Variants in RYR3 observed in about 807,000 individuals in gnomAD.
The protein encoded by RYR3 is brain ryanodine receptor-calcium release channel.
Under a neutral mutation model 584.3 loss-of-function variants are expected in RYR3, and 207 were observed. That is an observed-to-expected ratio of 0.35 (90% confidence interval 0.32 to 0.40). The LOEUF (loss-of-function observed/expected upper bound fraction) is 0.40, where lower values mean the gene tolerates loss of function less well. Ranked by LOEUF, RYR3 falls within the 10% of genes least tolerant of loss-of-function variation. The pLI, the probability that RYR3 is intolerant of heterozygous loss-of-function variation, is 1.00. For synonymous variants in RYR3, 2,416 were observed against 2,248.5 expected, an observed-to-expected ratio of 1.07 and a Z score of -2.11; for missense variants, 5,616 against 6,089.2, an observed-to-expected ratio of 0.92 and a Z score of 2.59.
chr15:33,842,135 C>G, intron 91 of RYR3, 100 bp downstream of exon 91: 1 of 1,249,610 alleles, frequency 8.0e-7, no homozygotes, highest in Non-Finnish European at 1.1e-6. Context: ...GTCAGTTACA[C>G]TTCCTCCCCT....
intron 3 of RYR3, among the ~76,000 whole-genome samples, chr15:33,511,715 A>G (rs915625127): frequency 2.6e-5 from 4 of 152,176 alleles, no homozygotes; most frequent in Non-Finnish European, 4.4e-5. Context: ...CTGCTCTCCA[A>G]TTAGAATGAC....
chr15:33,531,554 A>G (rs923649324), intron 4 of RYR3, among the ~76,000 whole-genome samples: 6 of 152,066 alleles, frequency 3.9e-5, no homozygotes, highest in African/African-American at 1.4e-4. Flanking sequence ...AGCATGATGC[A>G]AAGTTCATCT....
chr15:33,319,433 A>C (rs542565343), intron 1 of RYR3, among the ~76,000 whole-genome samples: 100 of 152,318 alleles, frequency 6.6e-4, no homozygotes, highest in Admixed American at 2.0e-3. Flanking sequence ...GTTCCAATTT[A>C]GGACAGTGGT....
chr15:33,677,327 G>A (rs1040666478), intron 38 of RYR3, among the ~76,000 whole-genome samples: 4 of 152,080 alleles, frequency 2.6e-5, no homozygotes, highest in Non-Finnish European at 4.4e-5. Context: ...AAAGCAATTC[G>A]ATGACTTTCC....
At chr15:33,547,941 T>C (rs763762729) in intron 8 of RYR3, among the ~76,000 whole-genome samples, 189 bp from the exon 9 acceptor site, 7 of 152,344 alleles carry the variant, frequency 4.6e-5, no homozygotes, top group South Asian at 2.1e-4. Context: ...CCCCTCTAGC[T>C]GCTTTGACCC....
At chr15:33,695,479 T>C (rs1039122267) in intron 38 of RYR3, among the ~76,000 whole-genome samples, 8 of 152,162 alleles carry the variant, frequency 5.3e-5, no homozygotes, top group Admixed American at 4.6e-4. Flanking sequence ...TCAAAGTCAC[T>C]GTGGTTTTTT....
intron 75 of RYR3, among the ~76,000 whole-genome samples, chr15:33,817,536 T>C (rs925580758): frequency 6.6e-6 from 1 of 152,166 alleles, no homozygotes; most frequent in Non-Finnish European, 1.5e-5. Context: ...TGGTTCTTTT[T>C]CTCCTTCTCC....
At chr15:33,533,490 C>A (rs2055053691) in intron 5 of RYR3, 101 bp downstream of exon 5, 1 of 734,826 alleles carries the variant, frequency 1.4e-6, no homozygotes, top group Admixed American at 2.3e-5. Flanking sequence ...GATTCCAAAC[C>A]AACCTGGTTA....
chr15:33,695,341 A>G lies in RYR3; in HGVS notation c.5861-877A>G, dbSNP rs148625491. On this transcript the variant is annotated intron_variant, in intron 38 of 103. Coordinates refer to ENST00000634891, the MANE Select transcript of RYR3 (RefSeq NM_001036.6). ...ATGCCAATGCCAATCAGCAATTTTC[A>G]GGGGCTTTTTAGTATAACCTCTGAA... 7.7e-3 allele frequency among the ~76,000 whole-genome samples: 1,167 copies of G among 152,278 alleles called. 5 individuals are homozygous for G. Among genetic ancestry groups the G allele is most frequent in the Non-Finnish European group, 0.012 (791 of 68,016 alleles).
At chr15:33,369,966 T>A (rs1005132580) in intron 1 of RYR3, among the ~76,000 whole-genome samples, 3 of 152,252 alleles carry the variant, frequency 2.0e-5, no homozygotes, top group Non-Finnish European at 2.9e-5. Context: ...AATGTGCTAG[T>A]GCCTAGCACA....
intron 43 of RYR3, among the ~76,000 whole-genome samples, chr15:33,720,732 G>C (rs2067843940): frequency 6.6e-6 from 1 of 152,150 alleles, no homozygotes; most frequent in South Asian, 2.1e-4. Flanking sequence ...AAATTAGCCA[G>C]TTGTGGTAGC....
chr15:33,401,617 G>A (rs1208534428), intron 1 of RYR3, among the ~76,000 whole-genome samples: 1 of 152,200 alleles, frequency 6.6e-6, no homozygotes, highest in African/African-American at 2.4e-5. Context: ...AAAACAGTAT[G>A]TGAACATGAC....
In RYR3 at chr15:33,580,151, C is replaced by A. The variant is rs748318941; in HGVS notation, c.1437+7C>A. ...AAATCTTTTCAAGGAAGAGGTAAGT[C>A]GAAAAATGAAAAGTTGAAATTCACT... On this transcript the variant is annotated splice_region_variant and intron_variant, in intron 13 of 103. Transcript: ENST00000634891. 12 of 1,584,740 alleles carry A rather than the reference C, an allele frequency of 7.6e-6. No homozygotes were observed. The African/African-American group carries it at 1.1e-4, about 14-fold the overall frequency.
intron 10 of RYR3, among the ~76,000 whole-genome samples, chr15:33,561,717 C>A (rs78706693): frequency 0.074 from 6,198 of 83,350 alleles, 438 homozygotes; most frequent in African/African-American, 0.2. Context: ...CTCTGCAAAA[C>A]ACAAAACAAC....
intron 1 of RYR3, among the ~76,000 whole-genome samples, chr15:33,451,492 G>A (rs1399809453): frequency 1.3e-5 from 2 of 152,060 alleles, no homozygotes; most frequent in African/African-American, 2.4e-5. Flanking sequence ...GGGGAAAAAT[G>A]TGCTCCACAA....
At chr15:33,817,227 G>A (rs1262141922) in intron 75 of RYR3, among the ~76,000 whole-genome samples, 3 of 152,140 alleles carry the variant, frequency 2.0e-5, no homozygotes, top group Non-Finnish European at 1.5e-5. Flanking sequence ...CCATGTCATG[G>A]GGGGTTCATG....
At chr15:33,712,204 A>C (rs1185510201) in intron 43 of RYR3, among the ~76,000 whole-genome samples, 1 of 152,200 alleles carries the variant, frequency 6.6e-6, no homozygotes, top group Non-Finnish European at 1.5e-5. Flanking sequence ...TGTTGTGAAG[A>C]CAGCCTCAAG....
At chr15:33,713,483 AGT>A (rs1350907118) in intron 43 of RYR3, among the ~76,000 whole-genome samples, 2 of 149,602 alleles carry the variant, frequency 1.3e-5, no homozygotes, top group African/African-American at 5.0e-5. Context: ...TATAAGGGTG[AGT>A]GTGGTGAATG....
chr15:33,628,575 G>C lies in RYR3; in HGVS notation c.2679G>C (p.Lys893Asn). Residue 893 changes from lysine (K) to asparagine (N), a missense_variant and splice_region_variant, in exon 21 of 104, where the codon AAG becomes AAC. This residue lies in a region of RYR3 where 1,284 missense variants were observed against 1,344.6 expected (regional missense o/e 0.95). Coordinates refer to ENST00000634891, the MANE Select transcript of RYR3 (RefSeq NM_001036.6). Reference protein sequence around the residue: ...NKIELGWTFGKIRDDNKRQHP... With the variant: ...NKIELGWTFGNIRDDNKRQHP... ...TAGAACTTGGCTGGACTTTCGGCAA[G>C]GTATGTGTCTCAGGGCCAGGTTAGG... is the stretch of plus-strand genomic sequence containing the variant. 6.2e-7 allele frequency: 1 copy of C among 1,602,354 alleles called. No individual in the cohort carries two copies. Among genetic ancestry groups the C allele is most frequent in the South Asian group, 1.1e-5 (1 of 90,822 alleles).
Sources: gnomAD v4.1 joint callset for allele counts (sites outside exome capture counted in the v4.1 genomes callset) on GRCh38, gnomAD v4.1.1 for gene constraint, gnomAD v4.1.1 regional missense constraint, MANE v1.5 for transcripts, NCBI Gene and HGNC (gene_info 2026-07-23, HGNC 2026-07-21) for gene names.